FLT4: variants seen among roughly 807,000 people sequenced by gnomAD.
FLT4 encodes the protein fms related receptor tyrosine kinase 4, also known as vascular endothelial growth factor receptor 3.
In FLT4, 30 loss-of-function variants were observed where a neutral mutation model predicts 163.2. The ratio of observed to expected loss-of-function variants is 0.18; its 90% CI spans 0.14 to 0.25. FLT4 has a LOEUF of 0.25. FLT4 is among the 10% of genes least tolerant of loss of function. The probability of loss-of-function intolerance (pLI) is 1.00; values close to 1 mark genes in which losing one functional copy is unlikely to be tolerated. For missense variants in FLT4, 1,510 were observed against 1,863.8 expected (o/e 0.81, Z 3.50); for synonymous variants, 884 against 789.5 (o/e 1.12, Z -2.01).
chr5:180,639,801 G>A (rs1764966398), intron 1 of FLT4, among the ~76,000 whole-genome samples: 1 of 152,190 alleles, frequency 6.6e-6, no homozygotes. Context: ...CTGCCTGGCT[G>A]TTGTCTGTCT....
Position 180,620,475 on chromosome 5 carries a change from G to T in FLT4, c.2406+134C>A. The T allele has an allele frequency of 1.7e-6, 2 of 1,191,850 alleles. No individual in the cohort carries two copies. The highest frequency in any genetic ancestry group is 2.4e-5 in the East Asian group (1 of 41,560). The allele number at this position is 1,191,850 out of a possible 1,614,324, so 73.8% of individuals were successfully genotyped here. On this transcript the variant is annotated intron_variant, in intron 16 of 29. Coordinates refer to ENST00000261937, the MANE Select transcript of FLT4 (RefSeq NM_182925.5). This position sits in a 1 kb window ranked among gnomAD's most constrained non-coding sequence, Gnocchi z 4.4. ...CCTCTGCGGGGTTGGAGCCCAGCGT[G>T]AAGGGCAGGGAGGCTTCCCAGGAAA... is the stretch of plus-strand genomic sequence containing the variant.
chr5:180,630,580 G>A lies in FLT4; in HGVS notation c.375C>T (p.Ala125=), dbSNP rs1008185162. The change falls in exon 3 of 30, where the codon GCC becomes GCT. Residue 125 remains alanine (A), a synonymous_variant. Transcript: ENST00000261937. This position sits in a 1 kb window ranked among gnomAD's most constrained non-coding sequence, Gnocchi z 6.3. ...CTCTCACGAACACGTAGGAGCTGGCGGCCGTGGTGCCCTCGATGCGTGCCT... is the reference window on the plus strand; with the variant it reads ...CTCTCACGAACACGTAGGAGCTGGCAGCCGTGGTGCCCTCGATGCGTGCCT... ...YIKARIEGTT[A]ASSYVFVRDF... is the part of the protein sequence containing the mutation. 14 of 1,612,878 alleles carry A rather than the reference G, an allele frequency of 8.7e-6. No individual in the cohort carries two copies. In the African/African-American group the frequency reaches 1.1e-4, roughly 12 times the overall value.
chr5:180,614,046 C>T (rs779381908), intron 24 of FLT4, 22 bp downstream of exon 24: 40 of 1,539,044 alleles, frequency 2.6e-5, no homozygotes, highest in Middle Eastern at 1.7e-4. Context: ...CTCTCCCCAC[C>T]GGCACCCCAT....
In FLT4 at chr5:180,603,019, G is replaced by A. The variant is rs1467946846; in HGVS notation, c.*173C>T. ...GCCAGTCGTGGTGACGGAATTCCGG[G>A]AGCCTTGGGCCTGGAGTCCTGCTCT... On this transcript the variant is annotated 3_prime_UTR_variant, in exon 30 of 30. Coordinates refer to ENST00000261937, the MANE Select transcript of FLT4 (RefSeq NM_182925.5). The A allele has an allele frequency of 1.5e-5, 10 of 669,818 alleles. No homozygotes were observed. Among genetic ancestry groups the A allele is most frequent in the Non-Finnish European group, 2.6e-5 (10 of 386,302 alleles). The allele number at this position is 669,818 out of a possible 1,614,324, so 41.5% of individuals were successfully genotyped here. A position where few individuals can be genotyped will look rare whatever the true frequency, so the allele number is the denominator to read the frequency against.
chr5:180,618,982 C>T (rs1561711493), intron 20 of FLT4, 39 bp downstream of exon 20: 6 of 1,549,952 alleles, frequency 3.9e-6, no homozygotes, highest in South Asian at 3.6e-5. Flanking sequence ...CGCCTCCATT[C>T]CCCCGCCGCC....
At position 180,636,311 on chromosome 5, in the gene FLT4, GA is replaced by G. The variant is rs1265835062; in HGVS notation, c.59-4534del. Reference sequence around the variant, plus strand: ...TGCTGTAGACCTCACTGTCCACTCCGAATGTCCCTTCCTGCCTTATGTGAAG... The same window carrying G: ...TGCTGTAGACCTCACTGTCCACTCCGATGTCCCTTCCTGCCTTATGTGAAG... On this transcript the variant is annotated intron_variant, in intron 1 of 29. Transcript: ENST00000261937. The surrounding 1 kb of genome is among the most constrained non-coding windows in gnomAD (Gnocchi z 4.3). 1.8e-4 allele frequency among the ~76,000 whole-genome samples: 28 copies of G among 152,124 alleles called. No homozygotes were observed. Among genetic ancestry groups the G allele is most frequent in the African/African-American group, 5.8e-4 (24 of 41,472 alleles).
intron 27 of FLT4, among the ~76,000 whole-genome samples, chr5:180,611,064 TAAA>T (rs1554108915): frequency 1.3e-5 from 2 of 151,758 alleles, no homozygotes; most frequent in Non-Finnish European, 2.9e-5. Context: ...CTCAAAAAAA[TAAA>T]TAAATAAATA....
chr5:180,619,417 T>TC (rs1561712999), intron 18 of FLT4, 51 bp from the exon 19 acceptor site: 8 of 1,314,078 alleles, frequency 6.1e-6, no homozygotes, highest in African/African-American at 1.4e-5. Flanking sequence ...AGGTCCCCGT[T>TC]CCCCGCCACC....
intron 10 of FLT4, 35 bp from the exon 11 acceptor site, chr5:180,624,096 G>A (rs1489027564): frequency 1.9e-6 from 3 of 1,607,136 alleles, no homozygotes; most frequent in South Asian, 2.2e-5. Context: ...GCAGGTCAGG[G>A]ATACAGGCAG....
In FLT4 at chr5:180,603,000, CGTG is replaced by C; in HGVS notation, c.*189_*191del. The C allele has an allele frequency of 1.6e-6, 1 of 633,616 alleles. No individual in the cohort carries two copies. The allele number at this position is 633,616 out of a possible 1,614,324, so 39.2% of individuals were successfully genotyped here. ...CAGCTGGAGCGTGGCCCTGGCCAGTCGTGGTGACGGAATTCCGGGAGCCTTGGG... is the reference window on the plus strand; with the variant it reads ...CAGCTGGAGCGTGGCCCTGGCCAGTCGTGACGGAATTCCGGGAGCCTTGGG... On this transcript the variant is annotated 3_prime_UTR_variant, in exon 30 of 30. Coordinates refer to ENST00000261937, the MANE Select transcript of FLT4 (RefSeq NM_182925.5).
At chr5:180,632,304 G>A (rs554748504) in intron 1 of FLT4, among the ~76,000 whole-genome samples, 1 of 152,184 alleles carries the variant, frequency 6.6e-6, no homozygotes, top group Non-Finnish European at 1.5e-5. Context: ...TCTCTGCCAG[G>A]GGCCTCGCCC....
intron 25 of FLT4, among the ~76,000 whole-genome samples, 158 bp downstream of exon 25, chr5:180,612,853 G>T (rs1762320670): frequency 6.6e-6 from 1 of 152,074 alleles, no homozygotes; most frequent in Admixed American, 6.5e-5. Flanking sequence ...GTGTCCTCCT[G>T]GTGCAGCTGT....
At chr5:180,643,024 A>G (rs891025607) in intron 1 of FLT4, among the ~76,000 whole-genome samples, 6 of 152,226 alleles carry the variant, frequency 3.9e-5, no homozygotes, top group African/African-American at 1.2e-4. Context: ...ATTCCAAAAC[A>G]CATGACCGTT....
intron 2 of FLT4, among the ~76,000 whole-genome samples, chr5:180,631,327 GC>G (rs1764125282): frequency 1.3e-5 from 2 of 152,186 alleles, no homozygotes; most frequent in African/African-American, 4.8e-5. Flanking sequence ...CAAAAAATTA[GC>G]CGGGCGTGGT....
At chr5:180,604,416 G>A (rs893751267) in intron 29 of FLT4, among the ~76,000 whole-genome samples, 1 of 152,128 alleles carries the variant, frequency 6.6e-6, no homozygotes, top group Non-Finnish European at 1.5e-5. Flanking sequence ...GCCCTCCTGC[G>A]GAGCCAGCTG....
At chr5:180,616,512 G>A (rs1581634065) in intron 22 of FLT4, 23 bp from the exon 23 acceptor site, 2 of 1,613,208 alleles carry the variant, frequency 1.2e-6, no homozygotes, top group South Asian at 1.1e-5. Context: ...GAGGCGGCAG[G>A]GGGGCTGTCA....
intron 1 of FLT4, among the ~76,000 whole-genome samples, chr5:180,638,865 T>G (rs560094812): frequency 6.6e-6 from 1 of 152,320 alleles, no homozygotes; most frequent in African/African-American, 2.4e-5. Context: ...TATCTGTCCA[T>G]GTCCTCCAAT....
intron 1 of FLT4, among the ~76,000 whole-genome samples, chr5:180,634,414 A>T (rs12517491): frequency 0.85 from 128,573 of 152,148 alleles, 55,017 homozygotes; most frequent in East Asian, 0.98. Context: ...ATAAGAAAGG[A>T]TGGATGGGCC....
intron 1 of FLT4, 107 bp downstream of exon 1, chr5:180,649,381 C>T (rs1765637889): frequency 2.5e-6 from 2 of 804,294 alleles, no homozygotes; most frequent in African/African-American, 1.8e-5. Flanking sequence ...GCCACCGTGT[C>T]CCCCGCCCGT....
Sources: gnomAD v4.1 joint callset for allele counts (sites outside exome capture counted in the v4.1 genomes callset) on GRCh38, gnomAD v4.1.1 for gene constraint, Gnocchi (gnomAD v3.1) non-coding constraint, MANE v1.5 for transcripts, NCBI Gene and HGNC (gene_info 2026-07-23, HGNC 2026-07-21) for gene names.